PTPRN2: variants seen among roughly 807,000 people sequenced by gnomAD.
The protein encoded by PTPRN2 is protein tyrosine phosphatase receptor type N2.
PTPRN2 carries 74 observed loss-of-function variants against 118.8 expected under a neutral mutation model. That is an observed-to-expected ratio of 0.62 (90% confidence interval 0.52 to 0.76). PTPRN2 has a LOEUF of 0.76. Among genes scored for constraint, PTPRN2 ranks in the 30% least tolerant of loss-of-function variants. The pLI is 0.00. For missense variants in PTPRN2, 1,481 were observed against 1,394.4 expected (o/e 1.06, Z -0.99); for synonymous variants, 641 against 608.0 (o/e 1.05, Z -0.80).
Position 157,881,434 on chromosome 7 carries a change from G to A in PTPRN2, c.1788+17239C>T, listed in dbSNP as rs545782720. ...AGCCCAGGAGAGAGGCCTTGGGAGA[G>A]ACCAGCCCTGCCCACACCTTGATCT... is the stretch of plus-strand genomic sequence containing the variant. On this transcript the variant is annotated intron_variant, in intron 12 of 22. Coordinates refer to ENST00000389418, the MANE Select transcript of PTPRN2 (RefSeq NM_002847.5). This position sits in a 1 kb window ranked among gnomAD's most constrained non-coding sequence, Gnocchi z 4.7. 1.6e-4 allele frequency among the ~76,000 whole-genome samples: 25 copies of A among 152,238 alleles called. No homozygotes were observed. Among genetic ancestry groups the A allele is most frequent in the Admixed American group, 8.5e-4 (13 of 15,286 alleles).
At chr7:158,090,565 T>G (rs181708677) in intron 10 of PTPRN2, among the ~76,000 whole-genome samples, 1 of 152,236 alleles carries the variant, frequency 6.6e-6, no homozygotes, top group Non-Finnish European at 1.5e-5. Context: ...ATATTGATAA[T>G]TGCTCATTTC....
rs199864698 is a variant in PTPRN2 at position 157,645,435 on chromosome 7, A to T, written c.2196+10922T>A. ...GGGGGACGCCATCTTGGCAAAGATT[A>T]TTGCAGGGAATGTGGCAGTATCTAT... is the stretch of plus-strand genomic sequence containing the variant. On this transcript the variant is annotated intron_variant, in intron 14 of 22. Transcript: ENST00000389418. Among the ~76,000 whole-genome samples, 38 of 152,340 alleles carry T rather than the reference A, an allele frequency of 2.5e-4. No homozygotes were observed. The East Asian group carries it at 6.4e-3, about 26-fold the overall frequency.
chr7:158,327,199 GCA>G (rs1208869867), intron 2 of PTPRN2, among the ~76,000 whole-genome samples: 57 of 147,314 alleles, frequency 3.9e-4, no homozygotes, highest in Admixed American at 2.9e-3. Flanking sequence ...TCTCACACAT[GCA>G]CACATTCTCA....
chr7:158,121,881 G>A (rs1047601185), intron 9 of PTPRN2, among the ~76,000 whole-genome samples: 3 of 152,242 alleles, frequency 2.0e-5, no homozygotes, highest in Admixed American at 6.5e-5. Flanking sequence ...AAGCAGAAGA[G>A]TGCTGGCTCC....
chr7:158,167,222 C>T lies in PTPRN2; in HGVS notation c.619G>A (p.Gly207Arg), dbSNP rs141244412. The change falls in exon 6 of 23, where the codon GGG (glycine) becomes AGG (arginine). Residue 207 changes from glycine to arginine, a missense_variant. This residue lies in a region of PTPRN2 where 1,115 missense variants were observed against 994.2 expected (regional missense o/e 1.12). Coordinates refer to ENST00000389418, the MANE Select transcript of PTPRN2 (RefSeq NM_002847.5). The part of the protein sequence containing the change: ...AHTSALTYPP[G>R]SRTQLREDLL... ...TCCTCGCGGAGCTGGGTCCGGGACC[C>T]GGGAGGGTAGGTCAGCGCAGACGTG... The T allele has an allele frequency of 1.6e-4, 260 of 1,613,170 alleles. 1 individual carries two copies. Among genetic ancestry groups the T allele is most frequent in the Admixed American group, 3.0e-4 (18 of 59,964 alleles).
intron 3 of PTPRN2, among the ~76,000 whole-genome samples, chr7:158,208,271 AG>A (rs1339301419): frequency 6.6e-6 from 1 of 152,228 alleles, no homozygotes; most frequent in Non-Finnish European, 1.5e-5. Context: ...ACCTAGAGAA[AG>A]ATGTCAGTGT....
At position 157,787,120 on chromosome 7, in the gene PTPRN2, C is replaced by T. The variant is rs1204676731; in HGVS notation, c.1789-104183G>A. Among the ~76,000 whole-genome samples, 3 of 79,592 alleles carry T rather than the reference C, an allele frequency of 3.8e-5. No individual in the cohort carries two copies. Among genetic ancestry groups the T allele is most frequent in the Non-Finnish European group, 8.0e-5 (3 of 37,510 alleles). 52.2% of individuals were successfully genotyped at this position (79,592 alleles called of 152,430 possible). A position where few individuals can be genotyped will look rare whatever the true frequency, so the allele number is the denominator to read the frequency against. On this transcript the variant is annotated intron_variant, in intron 12 of 22. Coordinates refer to ENST00000389418, the MANE Select transcript of PTPRN2 (RefSeq NM_002847.5). The surrounding 1 kb of genome is among the most constrained non-coding windows in gnomAD (Gnocchi z 5.3). ...GCCCGGGAGGCGGACGCGGGTGCGGCGGGGGACGCGGGGGTGGCTGCCCGG... is the reference window on the plus strand; with the variant it reads ...GCCCGGGAGGCGGACGCGGGTGCGGTGGGGGACGCGGGGGTGGCTGCCCGG...
intron 13 of PTPRN2, among the ~76,000 whole-genome samples, chr7:157,667,511 C>A (rs1796202628): frequency 6.6e-6 from 1 of 152,252 alleles, no homozygotes; most frequent in Non-Finnish European, 1.5e-5. Context: ...TCTGGCAGGG[C>A]CTCCTTCCAG....
chr7:157,592,752 G>T (rs1001272348), intron 17 of PTPRN2, among the ~76,000 whole-genome samples: 1 of 147,830 alleles, frequency 6.8e-6, no homozygotes, highest in Non-Finnish European at 1.5e-5. Flanking sequence ...GAGGGTGGAC[G>T]TGGCACCTAC....
At chr7:158,320,148 TGTACACACACAGCCTCCCTC>T (rs539597981) in intron 2 of PTPRN2, among the ~76,000 whole-genome samples, 42,017 of 56,986 alleles carry the variant, frequency 0.74, 14,323 homozygotes, top group Non-Finnish European at 0.78. Flanking sequence ...CAGCCTCCCT[TGTACACACACAGCCTCCCTC>T]GTACACACAC....
chr7:157,542,605 A>AC (rs1798065961), intron 22 of PTPRN2, among the ~76,000 whole-genome samples: 1 of 151,992 alleles, frequency 6.6e-6, no homozygotes, highest in African/African-American at 2.4e-5. Flanking sequence ...GGGGGAGGGG[A>AC]CGGGCAGGGG....
chr7:157,734,253 TCCGTCC>T (rs1800164332), intron 12 of PTPRN2, among the ~76,000 whole-genome samples: 1 of 72,992 alleles, frequency 1.4e-5, no homozygotes, highest in African/African-American at 4.8e-5. Context: ...AGCACACTCT[TCCGTCC>T]CATGTGCCCA....
chr7:157,899,952 G>C (rs938723136), intron 11 of PTPRN2, among the ~76,000 whole-genome samples: 5 of 152,164 alleles, frequency 3.3e-5, no homozygotes, highest in African/African-American at 1.2e-4. Flanking sequence ...CGGTGCTGCT[G>C]TCCTCCCGCA....
intron 11 of PTPRN2, among the ~76,000 whole-genome samples, chr7:157,954,102 G>A (rs550269992): frequency 1.1e-3 from 172 of 151,912 alleles, no homozygotes; most frequent in African/African-American, 3.7e-3. Flanking sequence ...TGTGGTGCAC[G>A]TGTGCTGTGT....
intron 22 of PTPRN2, among the ~76,000 whole-genome samples, chr7:157,545,988 C>A (rs117195445): frequency 2.6e-5 from 4 of 152,086 alleles, no homozygotes; most frequent in Non-Finnish European, 5.9e-5. Context: ...AGTCTCGGGG[C>A]GATGTTGGGC....
At chr7:158,171,137 CACACATATATAT>C (rs1245301589) in intron 5 of PTPRN2, among the ~76,000 whole-genome samples, 1 of 71,530 alleles carries the variant, frequency 1.4e-5, no homozygotes, top group Non-Finnish European at 3.1e-5. Flanking sequence ...CACATATATA[CACACATATATAT>C]ACACATATAT....
chr7:157,719,945 C>G (rs891239457), intron 12 of PTPRN2, among the ~76,000 whole-genome samples: 16 of 152,032 alleles, frequency 1.1e-4, no homozygotes, highest in African/African-American at 3.4e-4. Flanking sequence ...ATAATAGTTA[C>G]TGCTGTGGGG....
chr7:158,349,712 T>C (rs570730852), intron 2 of PTPRN2, among the ~76,000 whole-genome samples: 8 of 95,306 alleles, frequency 8.4e-5, no homozygotes, highest in Admixed American at 2.0e-4. Context: ...GTGCTGAGGA[T>C]GGCCCACGTC....
intron 13 of PTPRN2, among the ~76,000 whole-genome samples, chr7:157,664,119 G>A (rs1421651758): frequency 6.6e-6 from 1 of 152,218 alleles, no homozygotes; most frequent in Middle Eastern, 3.2e-3. Flanking sequence ...GGCTACAGCG[G>A]GGGAGGGGGC....
Sources: allele counts gnomAD v4.1 joint callset (sites outside exome capture counted in the v4.1 genomes callset), GRCh38; gene constraint gnomAD v4.1.1; regional missense constraint gnomAD v4.1.1; non-coding constraint Gnocchi (gnomAD v3.1); transcripts MANE v1.5; gene names NCBI Gene and HGNC (gene_info 2026-07-23, HGNC 2026-07-21).